The following RALGPS2 variants were observed in gnomAD, a reference collection of about 807,000 sequenced individuals.
RALGPS2 encodes ras-specific guanine nucleotide-releasing factor RalGPS2.
Under a neutral mutation model 86.8 loss-of-function variants are expected in RALGPS2, and 43 were observed. That is an observed-to-expected ratio of 0.50 (90% CI 0.39 to 0.64). The LOEUF is 0.64. Ranked by LOEUF, RALGPS2 falls within the 30% of genes least tolerant of loss-of-function variation. RALGPS2 has a pLI of 0.00. For synonymous variants in RALGPS2, 243 were observed against 231.3 expected (o/e 1.05, Z -0.46); for missense variants, 536 against 694.6 (o/e 0.77, Z 2.57).
rs200976993 is a variant in RALGPS2, at chr1:178,799,622, A to G, written c.214-8423A>G. Among the ~76,000 whole-genome samples the G allele has an allele frequency of 2.6e-5, 4 of 152,148 alleles. No individual in the cohort carries two copies. The East Asian group carries it at 7.7e-4, about 29-fold the overall frequency. On this transcript the variant is annotated intron_variant, in intron 4 of 19. Coordinates refer to ENST00000367635, the MANE Select transcript of RALGPS2 (RefSeq NM_152663.5). ...AGAACCCCTTTTCTGGATTGGTTCC[A>G]TTGATGCTTTGTCTCTGAAGCCAGG... is the stretch of plus-strand genomic sequence containing the variant.
At chr1:178,776,654 T>G in intron 1 of RALGPS2, 28 bp from the exon 2 acceptor site, 1 of 729,796 alleles carries the variant, frequency 1.4e-6, no homozygotes, top group Non-Finnish European at 2.0e-6. Flanking sequence ...GAGGAAGACA[T>G]TTGCTTAACT....
chr1:178,856,218 T>G (rs1405944431), intron 8 of RALGPS2, among the ~76,000 whole-genome samples: 25 of 73,972 alleles, frequency 3.4e-4, no homozygotes, highest in Non-Finnish European at 4.4e-4. Context: ...TATATATATA[T>G]ATATATATAT....
At chr1:178,888,762 A>G (rs903049692) in intron 13 of RALGPS2, among the ~76,000 whole-genome samples, 4 of 152,062 alleles carry the variant, frequency 2.6e-5, no homozygotes, top group East Asian at 1.9e-4. Flanking sequence ...GTATTAATCC[A>G]TCGTCTCTAA....
Position 178,736,888 on chromosome 1 carries a change from C to T in RALGPS2, c.-84+11469C>T, listed in dbSNP as rs180890097. Among the ~76,000 whole-genome samples, 67 of 152,110 alleles carry T rather than the reference C, an allele frequency of 4.4e-4. 2 individuals are homozygous for T. The highest frequency in any genetic ancestry group is 1.4e-3 in the African/African-American group (58 of 41,458). ...CTCCAGCCTGGGCAACAGAAGGACA[C>T]CCCTGTCTTAAAAAACAAAAAGCAT... On this transcript the variant is annotated intron_variant, in intron 1 of 19. Transcript: ENST00000367635.
At chr1:178,853,097 C>A in intron 8 of RALGPS2, 1 of 1,416,242 alleles carries the variant, frequency 7.1e-7, no homozygotes, top group South Asian at 1.8e-5. Flanking sequence ...TGGTCACTTG[C>A]GTTTTATAAG....
intron 17 of RALGPS2, among the ~76,000 whole-genome samples, chr1:178,899,356 C>A (rs1016041925): frequency 2.0e-5 from 3 of 151,586 alleles, no homozygotes; most frequent in African/African-American, 7.3e-5. Flanking sequence ...CATTTCTCAT[C>A]TTTTCTAATT....
intron 1 of RALGPS2, among the ~76,000 whole-genome samples, chr1:178,772,927 A>G (rs1351657732): frequency 6.6e-6 from 1 of 152,070 alleles, no homozygotes; most frequent in Non-Finnish European, 1.5e-5. Flanking sequence ...TCAGCCTCCC[A>G]AGAAGCTGGG....
rs1240149828 is a variant in RALGPS2 at position 178,755,421 on chromosome 1, A to C, written c.-83-21261A>C. On this transcript the variant is annotated intron_variant, in intron 1 of 19. Coordinates refer to ENST00000367635, the MANE Select transcript of RALGPS2 (RefSeq NM_152663.5). ...ACCCATTGATTAGCTCCCACTTATA[A>C]GTGAGAACATGGCAGTATTTGGTTT... Among the ~76,000 whole-genome samples the C allele has an allele frequency of 5.9e-5, 9 of 152,286 alleles. No homozygotes were observed. The East Asian group carries it at 1.3e-3, about 23-fold the overall frequency.
chr1:178,893,706 T>A (rs1659816520), intron 15 of RALGPS2: 1 of 393,634 alleles, frequency 2.5e-6, no homozygotes, highest in Non-Finnish European at 4.5e-6. Flanking sequence ...GTGTGTTTTT[T>A]AACCATCTGC....
chr1:178,909,643 A>ACTTTTTTTT (rs1660534335), intron 19 of RALGPS2, among the ~76,000 whole-genome samples: 1 of 72,384 alleles, frequency 1.4e-5, no homozygotes, highest in African/African-American at 5.9e-5. Context: ...TTCTTTTTTA[A>ACTTTTTTTT]TTTTTTTTTT....
intron 8 of RALGPS2, chr1:178,851,333 CAGATATAAATGT>C: frequency 6.3e-7 from 1 of 1,596,806 alleles, no homozygotes; most frequent in Non-Finnish European, 8.5e-7. Flanking sequence ...GGAAAAAATA[CAGATATAAATGT>C]AAAAGTTTCT....
intron 2 of RALGPS2, among the ~76,000 whole-genome samples, chr1:178,783,507 C>T (rs939798524): frequency 7.2e-5 from 11 of 152,048 alleles, no homozygotes; most frequent in East Asian, 5.8e-4. Flanking sequence ...TTGTAATGAT[C>T]GTGGCTCGAT....
chr1:178,859,401 C>CT (rs543947031), intron 8 of RALGPS2, among the ~76,000 whole-genome samples: 29,291 of 122,844 alleles, frequency 0.24, 4,487 homozygotes, highest in Non-Finnish European at 0.3. Flanking sequence ...CCAAGTTTAA[C>CT]TTTTTTTTTT....
chr1:178,835,831 A>G (rs1011841982), intron 8 of RALGPS2, among the ~76,000 whole-genome samples: 2 of 152,212 alleles, frequency 1.3e-5, no homozygotes, highest in African/African-American at 2.4e-5. Context: ...AGCTCCAATT[A>G]TACCTGCTGA....
At chr1:178,803,436 G>A (rs1207011453) in intron 4 of RALGPS2, among the ~76,000 whole-genome samples, 1 of 146,824 alleles carries the variant, frequency 6.8e-6, no homozygotes, top group Non-Finnish European at 1.5e-5. Flanking sequence ...GTTACTTAGG[G>A]ATTTAATCTT....
At chr1:178,864,916 C>T (rs1015259089) in intron 8 of RALGPS2, 2 of 1,347,086 alleles carry the variant, frequency 1.5e-6, no homozygotes. Flanking sequence ...AAAATATAAA[C>T]CTCATACTCC....
intron 4 of RALGPS2, among the ~76,000 whole-genome samples, chr1:178,805,595 G>A (rs569296873): frequency 6.6e-5 from 10 of 152,114 alleles, no homozygotes; most frequent in African/African-American, 2.4e-4. Flanking sequence ...TTGGCTAGCT[G>A]TTTCTTCTTT....
intron 19 of RALGPS2, among the ~76,000 whole-genome samples, 186 bp from the exon 20 acceptor site, chr1:178,916,144 T>C (rs1326046756): frequency 6.6e-6 from 1 of 152,244 alleles, no homozygotes; most frequent in Admixed American, 6.5e-5. Context: ...CTCATTTTGG[T>C]GATTTTCTCT....
chr1:178,783,213 A>T (rs1249742527), intron 2 of RALGPS2, among the ~76,000 whole-genome samples: 1 of 152,220 alleles, frequency 6.6e-6, no homozygotes, highest in Admixed American at 6.5e-5. Flanking sequence ...AAAACGAAGA[A>T]TGCCTTTGGT....
Sources: allele counts gnomAD v4.1 joint callset (sites outside exome capture counted in the v4.1 genomes callset), GRCh38; gene constraint gnomAD v4.1.1; transcripts MANE v1.5; gene names NCBI Gene and HGNC (gene_info 2026-07-23, HGNC 2026-07-21).